The following KLF8 variants were observed in gnomAD, a reference collection of about 807,000 sequenced individuals.
KLF8 encodes the protein KLF transcription factor 8, also known as Krueppel-like factor 8.
A neutral mutation model predicts 18.2 loss-of-function variants in KLF8; 10 were observed. That is an observed-to-expected ratio of 0.55 (90% confidence interval 0.34 to 0.93). The LOEUF is 0.93. Among genes scored for constraint, KLF8 ranks in the 40% least tolerant of loss-of-function variants. KLF8 has a pLI of 0.02. For missense variants in KLF8, 264 were observed against 277.9 expected, an observed-to-expected ratio of 0.95 and a Z score of 0.36; for synonymous variants, 109 against 97.3, an observed-to-expected ratio of 1.12 and a Z score of -0.71.
chrX:55,957,913 A>G, the KLF8 span, among the ~76,000 whole-genome samples: 4 of 112,321 alleles, frequency 3.6e-5, no homozygotes, highest in Non-Finnish European at 7.5e-5. Flanking sequence ...TAAAGTGTGC[A>G]CTATTACTAT....
chrX:56,035,523 A>C, the KLF8 span, among the ~76,000 whole-genome samples: 55 of 112,078 alleles, frequency 4.9e-4, no homozygotes, highest in African/African-American at 1.8e-3. Flanking sequence ...TTCTACTTAC[A>C]GGTTGTTGAG....
At chrX:56,184,567 C>T in the KLF8 span, among the ~76,000 whole-genome samples, 4 of 112,313 alleles carry the variant, frequency 3.6e-5, no homozygotes, top group African/African-American at 1.3e-4. Context: ...GGCAGACTGC[C>T]TCCTCAAGTG....
chrX:56,148,912 G>T, the KLF8 span, among the ~76,000 whole-genome samples: 1 of 112,102 alleles, frequency 8.9e-6, no homozygotes, highest in Non-Finnish European at 1.9e-5. Context: ...TATCAAAATG[G>T]AAGGCTTGTG....
In KLF8 at chrX:56,290,022, A is replaced by G. The variant is rs1388903875; in HGVS notation, c.*5528A>G. ...TGCTAATTCTTGTATGAGGTACTGT[A>G]GAGGGATGGATACAGAAGGAACTGG... On this transcript the variant is annotated 3_prime_UTR_variant, in exon 6 of 6. Coordinates refer to ENST00000468660, the MANE Select transcript of KLF8 (RefSeq NM_007250.5). 1.8e-5 allele frequency among the ~76,000 whole-genome samples: 2 copies of G among 111,906 alleles called. No homozygotes were observed. The highest frequency in any genetic ancestry group is 3.8e-5 in the Non-Finnish European group (2 of 53,129).
the KLF8 span, among the ~76,000 whole-genome samples, chrX:56,045,390 T>C: frequency 9.9e-5 from 11 of 111,672 alleles, no homozygotes; most frequent in Admixed American, 1.9e-4. Flanking sequence ...ACTTTTTTTT[T>C]CGTTCTGTAT....
intron 1 of KLF8, among the ~76,000 whole-genome samples, chrX:56,240,665 CCTT>C (rs988672428): frequency 9.0e-6 from 1 of 110,874 alleles, no homozygotes; most frequent in African/African-American, 3.3e-5. Context: ...TATAAAAACA[CCTT>C]CATTATTATT....
At chrX:56,025,080 C>G in the KLF8 span, among the ~76,000 whole-genome samples, 2 of 112,254 alleles carry the variant, frequency 1.8e-5, no homozygotes, top group South Asian at 7.4e-4. Flanking sequence ...AATTCTTGGG[C>G]TTCCCATGGC....
At chrX:56,214,260 C>A in the KLF8 span, among the ~76,000 whole-genome samples, 4 of 112,133 alleles carry the variant, frequency 3.6e-5, no homozygotes, top group Non-Finnish European at 7.5e-5. Flanking sequence ...TTGGGCTGAT[C>A]TTCCAGGCTT....
chrX:56,150,362 C>T, the KLF8 span, among the ~76,000 whole-genome samples: 3 of 111,879 alleles, frequency 2.7e-5, no homozygotes, highest in East Asian at 2.8e-4. Context: ...CTCCTACTGA[C>T]ATGGATGCTT....
At chrX:55,995,192 G>C in the KLF8 span, among the ~76,000 whole-genome samples, 1 of 111,916 alleles carries the variant, frequency 8.9e-6, no homozygotes, top group South Asian at 3.7e-4. Context: ...TTGCTTTAAG[G>C]TCTGTTTTGT....
At chrX:56,267,159 A>C (rs1391659103) in intron 3 of KLF8, 1 of 752,697 alleles carries the variant, frequency 1.3e-6, no homozygotes, top group Non-Finnish European at 1.6e-6. Context: ...GAGCCACTCT[A>C]AATAAACAGG....
the KLF8 span, among the ~76,000 whole-genome samples, chrX:56,052,195 T>C: frequency 2.7e-5 from 3 of 110,980 alleles, no homozygotes; most frequent in Non-Finnish European, 3.8e-5. Context: ...AGTTTTCAAC[T>C]TCTTTGCCTT....
chrX:56,193,869 A>C, the KLF8 span, among the ~76,000 whole-genome samples: 1 of 111,726 alleles, frequency 9.0e-6, no homozygotes, highest in Non-Finnish European at 1.9e-5. Context: ...TGGTGCAAAA[A>C]AAATTGAAAG....
At chrX:56,107,105 G>C in the KLF8 span, among the ~76,000 whole-genome samples, 1 of 111,387 alleles carries the variant, frequency 9.0e-6, no homozygotes, top group Admixed American at 9.5e-5. Flanking sequence ...TCCCAGAGGG[G>C]CACCCCCCTC....
chrX:56,240,897 A>T (rs1396015829), intron 1 of KLF8, among the ~76,000 whole-genome samples: 2 of 111,832 alleles, frequency 1.8e-5, no homozygotes, highest in Non-Finnish European at 3.8e-5. Context: ...GCAATTGTGA[A>T]AATTAAATAT....
the KLF8 span, among the ~76,000 whole-genome samples, chrX:56,180,768 A>G: frequency 0.052 from 5,740 of 111,360 alleles, 374 homozygotes; most frequent in African/African-American, 0.18. Flanking sequence ...ATAGTTGTGC[A>G]GTTTCAACTG....
upstream of KLF8, among the ~76,000 whole-genome samples, chrX:56,227,656 C>A (rs1327944897): frequency 9.0e-6 from 1 of 111,667 alleles, no homozygotes; most frequent in East Asian, 2.8e-4. Flanking sequence ...AAGTCTTTTT[C>A]TTGTATACAC....
At position 56,286,816 on chromosome X, in the gene KLF8, A is replaced by G. The variant is rs2067273091; in HGVS notation, c.*2322A>G. 1 of 112,061 alleles carries G rather than the reference A, an allele frequency of 8.9e-6. No homozygotes were observed. The highest frequency in any genetic ancestry group is 9.5e-5 in the Admixed American group (1 of 10,535). 9.2% of individuals were successfully genotyped at this position (112,061 alleles called of 1,213,427 possible). A position where few individuals can be genotyped will look rare whatever the true frequency, so the allele number is the denominator to read the frequency against. On this transcript the variant is annotated 3_prime_UTR_variant, in exon 6 of 6. Transcript: ENST00000468660. ...TATACAAGTTCCAAACTTGCATAATAATTGCTAACGCACTAGGCGATATCT... is the reference window on the plus strand; with the variant it reads ...TATACAAGTTCCAAACTTGCATAATGATTGCTAACGCACTAGGCGATATCT...
At chrX:56,185,815 A>G in the KLF8 span, among the ~76,000 whole-genome samples, 1 of 111,764 alleles carries the variant, frequency 8.9e-6, no homozygotes, top group Admixed American at 9.5e-5. Context: ...TTTACAGAAA[A>G]GCAAATGCTG....
Sources: allele counts gnomAD v4.1 joint callset (sites outside exome capture counted in the v4.1 genomes callset), GRCh38; gene constraint gnomAD v4.1.1; transcripts MANE v1.5; gene names NCBI Gene and HGNC (gene_info 2026-07-23, HGNC 2026-07-21).